The following RUNX1 variants were observed in gnomAD, a reference collection of about 807,000 sequenced individuals.
The protein encoded by RUNX1 is RUNX family transcription factor 1.
A neutral mutation model predicts 42.8 loss-of-function variants in RUNX1; 19 were observed. The ratio of observed to expected loss-of-function variants is 0.44; its 90% CI spans 0.31 to 0.65. The LOEUF is 0.65. Ranked by LOEUF, RUNX1 falls within the 30% of genes least tolerant of loss-of-function variation. The pLI, the probability that RUNX1 is intolerant of heterozygous loss-of-function variation, is 0.07. For synonymous variants in RUNX1, 271 were observed against 289.4 expected (o/e 0.94, Z 0.64); for missense variants, 528 against 672.0 (o/e 0.79, Z 2.37).
At chr21:34,931,403 C>T (rs1381011238) in intron 2 of RUNX1, among the ~76,000 whole-genome samples, 5 of 136,516 alleles carry the variant, frequency 3.7e-5, no homozygotes, top group East Asian at 2.1e-4. Context: ...AATATATACA[C>T]GTGTATATAT....
chr21:34,798,601 ATAT>A (rs2056564156), intron 8 of RUNX1, among the ~76,000 whole-genome samples: 1 of 152,156 alleles, frequency 6.6e-6, no homozygotes, highest in Non-Finnish European at 1.5e-5. Context: ...TAGATCAAAA[ATAT>A]TATTAAAAAA....
rs370972465 is a variant in RUNX1, at chr21:34,938,529, TCTC to T, written c.59-45569_59-45567del. Among the ~76,000 whole-genome samples, 777 of 152,082 alleles carry T rather than the reference TCTC, an allele frequency of 5.1e-3. 8 individuals carry two copies. The highest frequency in any genetic ancestry group is 0.018 in the African/African-American group (743 of 41,458). On this transcript the variant is annotated intron_variant, in intron 2 of 8. Coordinates refer to ENST00000675419, the MANE Select transcript of RUNX1 (RefSeq NM_001754.5). Reference sequence around the variant, plus strand: ...TCCTCCTCCTCTTACACCTCCTCCTTCTCCTCCTTCTTCTTCCTCCTCCCTCTC... The same window carrying T: ...TCCTCCTCCTCTTACACCTCCTCCTTCTCCTTCTTCTTCCTCCTCCCTCTC...
At chr21:35,043,458 T>C (rs2059374537) in intron 2 of RUNX1, among the ~76,000 whole-genome samples, 1 of 152,256 alleles carries the variant, frequency 6.6e-6, no homozygotes, top group African/African-American at 2.4e-5. Context: ...AGAAAGCAAT[T>C]ACGAAAATGA....
At chr21:34,928,966 G>GTA (rs1555906188) in intron 2 of RUNX1, among the ~76,000 whole-genome samples, 4 of 148,474 alleles carry the variant, frequency 2.7e-5, no homozygotes, top group Non-Finnish European at 4.5e-5. Flanking sequence ...TTTTTTGGGG[G>GTA]GGGGGGTAGA....
At chr21:34,821,677 C>T (rs1461343701) in intron 7 of RUNX1, 2 of 1,575,172 alleles carry the variant, frequency 1.3e-6, no homozygotes, top group Non-Finnish European at 1.7e-6. Flanking sequence ...CTTAACATCT[C>T]CAGGGTGCTG....
chr21:34,976,100 T>A (rs1313236311), intron 2 of RUNX1, among the ~76,000 whole-genome samples: 2 of 147,816 alleles, frequency 1.4e-5, no homozygotes, highest in Non-Finnish European at 3.0e-5. Flanking sequence ...TGGAGGGAGA[T>A]TGAAAAAAAT....
chr21:34,929,583 A>C (rs2058424500), intron 2 of RUNX1, among the ~76,000 whole-genome samples: 1 of 152,240 alleles, frequency 6.6e-6, no homozygotes, highest in Admixed American at 6.5e-5. Context: ...CTTTTGGCTG[A>C]ACAACATGAC....
intron 2 of RUNX1, among the ~76,000 whole-genome samples, chr21:34,975,523 A>G (rs922806136): frequency 3.9e-5 from 6 of 152,220 alleles, no homozygotes; most frequent in Admixed American, 1.3e-4. Flanking sequence ...CCATTTTAGA[A>G]AAGAGACTTG....
At chr21:35,023,409 C>T (rs1389962375) in intron 2 of RUNX1, among the ~76,000 whole-genome samples, 1 of 152,222 alleles carries the variant, frequency 6.6e-6, no homozygotes, top group Non-Finnish European at 1.5e-5. Flanking sequence ...GGCAGATTTT[C>T]ACCTGCAAGC....
intron 5 of RUNX1, among the ~76,000 whole-genome samples, chr21:34,862,735 G>A (rs531471306): frequency 2.6e-5 from 4 of 152,074 alleles, no homozygotes; most frequent in Non-Finnish European, 5.9e-5. Context: ...ACTTTATCTC[G>A]ATTACACCTG....
intron 2 of RUNX1, among the ~76,000 whole-genome samples, chr21:35,047,545 ACACACACACACACACACTCTCTCTCTCT>A (rs1466030525): frequency 4.4e-4 from 57 of 129,572 alleles, no homozygotes; most frequent in African/African-American, 1.5e-3. Flanking sequence ...ACACACACAC[ACACACACACACACACACTCTCTCTCTCT>A]CTCTCTCTCT....
intron 2 of RUNX1, among the ~76,000 whole-genome samples, chr21:35,026,398 G>T (rs942991959): frequency 1.3e-5 from 2 of 152,192 alleles, no homozygotes; most frequent in African/African-American, 4.8e-5. Context: ...TCACCGCATA[G>T]AATCAGGCCA....
rs558349106 is a variant in RUNX1, at chr21:34,851,166, A to G, written c.613+8308T>C. Among the ~76,000 whole-genome samples, 18 of 152,340 alleles carry G rather than the reference A, an allele frequency of 1.2e-4. No individual in the cohort carries two copies. The South Asian group carries it at 3.5e-3, about 30-fold the overall frequency. On this transcript the variant is annotated intron_variant, in intron 6 of 8. Coordinates refer to ENST00000675419, the MANE Select transcript of RUNX1 (RefSeq NM_001754.5). Reference sequence around the variant, plus strand: ...GAAGGCAGGGCAGCCACTTACAGCCAGAGAATTTCAGAACAAATTAGAAAG... The same window carrying G: ...GAAGGCAGGGCAGCCACTTACAGCCGGAGAATTTCAGAACAAATTAGAAAG...
chr21:34,991,090 C>T (rs1177665344), intron 2 of RUNX1, among the ~76,000 whole-genome samples: 1 of 152,152 alleles, frequency 6.6e-6, no homozygotes, highest in Non-Finnish European at 1.5e-5. Flanking sequence ...TCACTAAAGC[C>T]AGGAGCAATG....
intron 2 of RUNX1, among the ~76,000 whole-genome samples, chr21:34,968,465 A>G (rs2058736820): frequency 1.3e-5 from 2 of 152,094 alleles, no homozygotes; most frequent in Admixed American, 1.3e-4. Context: ...ACCATTGGGA[A>G]AACTTATCCT....
intron 8 of RUNX1, among the ~76,000 whole-genome samples, chr21:34,793,432 A>G (rs539067129): frequency 6.6e-6 from 1 of 152,292 alleles, no homozygotes; most frequent in South Asian, 2.1e-4. Flanking sequence ...TAGGGTTGGC[A>G]AACTGCAGCC....
intron 5 of RUNX1, among the ~76,000 whole-genome samples, chr21:34,873,351 G>A (rs2057767443): frequency 6.6e-6 from 1 of 152,216 alleles, no homozygotes; most frequent in Non-Finnish European, 1.5e-5. Context: ...TAACTGGACA[G>A]GCACGTCCTT....
At chr21:34,967,921 G>A (rs745704777) in intron 2 of RUNX1, among the ~76,000 whole-genome samples, 6 of 152,138 alleles carry the variant, frequency 3.9e-5, no homozygotes, top group Admixed American at 2.0e-4. Flanking sequence ...CTTAATGTAG[G>A]TGCTGTGGCT....
At chr21:35,011,607 G>A (rs943834573) in intron 2 of RUNX1, among the ~76,000 whole-genome samples, 3 of 152,138 alleles carry the variant, frequency 2.0e-5, no homozygotes, top group South Asian at 4.1e-4. Context: ...GGGTTTCAGC[G>A]CCCTCCATGG....
Sources: allele counts gnomAD v4.1 joint callset (sites outside exome capture counted in the v4.1 genomes callset), GRCh38; gene constraint gnomAD v4.1.1; transcripts MANE v1.5; gene names NCBI Gene and HGNC (gene_info 2026-07-23, HGNC 2026-07-21).